TSC2: variants seen among roughly 807,000 people sequenced by gnomAD.
The protein encoded by TSC2 is tuberin.
TSC2 carries 29 observed loss-of-function variants against 202.2 expected under a neutral mutation model. That is an observed-to-expected ratio of 0.14 (90% CI 0.11 to 0.20). The LOEUF (loss-of-function observed/expected upper bound fraction) is 0.20, where lower values mean the gene tolerates loss of function less well. Ranked by LOEUF, TSC2 falls within the 10% of genes least tolerant of loss-of-function variation. TSC2 has a pLI of 1.00. For missense variants in TSC2, 2,429 were observed against 2,420.0 expected (o/e 1.00, Z -0.08); for synonymous variants, 1,349 against 1,044.0 (o/e 1.29, Z -5.63).
chr16:2,065,947 C>T (rs1057391174), intron 16 of TSC2, among the ~76,000 whole-genome samples: 1 of 152,208 alleles, frequency 6.6e-6, no homozygotes, highest in African/African-American at 2.4e-5. Flanking sequence ...GTAAGGGTGG[C>T]CCTCCATTCC....
Position 2,064,443 on chromosome 16 carries a change from C to A in TSC2, c.1599+16C>A, listed in dbSNP as rs45517181. The A allele has an allele frequency of 1.9e-6, 3 of 1,612,646 alleles. No individual in the cohort carries two copies. The African/African-American group carries it at 4.0e-5, about 22-fold the overall frequency. ...CATCGAGAAGGTGAGAGCCGTTGTA[C>A]CCGGGGCCGGGTGCTAGCGTGCCAG... On this transcript the variant is annotated intron_variant, in intron 15 of 41. Transcript: ENST00000219476.
intron 5 of TSC2, 42 bp from the exon 6 acceptor site, chr16:2,055,360 T>C: frequency 2.0e-6 from 3 of 1,518,994 alleles, no homozygotes; most frequent in East Asian, 2.3e-5. Context: ...GTGGGAGATG[T>C]AGATTCGGCG....
intron 3 of TSC2, among the ~76,000 whole-genome samples, chr16:2,052,493 C>T (rs569711058): frequency 1.1e-3 from 172 of 152,182 alleles, no homozygotes; most frequent in Admixed American, 3.3e-3. Flanking sequence ...TATTTTTTGT[C>T]GTGACAGGGT....
chr16:2,048,497 G>C (rs2084644654), intron 1 of TSC2, 90 bp from the exon 2 acceptor site: 1 of 1,524,716 alleles, frequency 6.6e-7, no homozygotes, highest in Non-Finnish European at 9.0e-7. Flanking sequence ...GCCCACCAGA[G>C]ACCCAGGGTC....
In TSC2 at chr16:2,072,310, A is replaced by T. The variant is rs764725850; in HGVS notation, c.2167A>T (p.Ile723Phe). 1.2e-6 allele frequency: 2 copies of T among 1,614,146 alleles called. No homozygotes were observed. Among genetic ancestry groups the T allele is most frequent in the Non-Finnish European group, 8.5e-7 (1 of 1,180,040 alleles). The change falls in exon 20 of 42, where the codon ATC becomes TTC. Residue 723 changes from isoleucine to phenylalanine, a missense_variant. By Grantham distance (21) the Ile-to-Phe change is conservative. Transcript: ENST00000219476. Reference protein sequence around the residue: ...LPESLRYKVLIFTSPCSVDQL... With the variant: ...LPESLRYKVLFFTSPCSVDQL... ...TGAGTCCCTGCGCTATAAAGTGCTC[A>T]TCTTTACTTCCCCTTGCAGTGTGGA...
At position 2,077,677 on chromosome 16, in the gene TSC2, G is replaced by C. The variant is rs780981335; in HGVS notation, c.2917G>C (p.Glu973Gln). ...AGAATTCAAGGAGAGCTCTGCAGCC[G>C]AGGCCTTCCGGTGCCGCAGCATCAG... ...VKEFKESSAA[E>Q]AFRCRSISVS... Residue 973 changes from glutamate to glutamine, a missense_variant, in exon 26 of 42, where the codon GAG becomes CAG. By Grantham distance (29) the Glu-to-Gln change is conservative. Transcript: ENST00000219476. 1 of 1,613,058 alleles carries C rather than the reference G, an allele frequency of 6.2e-7. No individual in the cohort carries two copies. The highest frequency in any genetic ancestry group is 8.5e-7 in the Non-Finnish European group (1 of 1,180,026).
chr16:2,083,430 C>T (rs1024455256), intron 32 of TSC2: 7 of 597,818 alleles, frequency 1.2e-5, no homozygotes, highest in Non-Finnish European at 2.1e-5. Context: ...ACAGGGGTGG[C>T]TGCTGGTGGA....
At position 2,085,014 on chromosome 16, in the gene TSC2, G is replaced by T. The variant is rs1260508226; in HGVS notation, c.4557G>T (p.Leu1519=). The T allele has an allele frequency of 2.5e-6, 4 of 1,613,392 alleles. No individual in the cohort carries two copies. The highest frequency in any genetic ancestry group is 3.4e-6 in the Non-Finnish European group (4 of 1,179,986). The part of the protein sequence containing the change: ...FFGDESNKPI[L]LPNESQSFER... Reference sequence around the variant, plus strand: ...GCGACGAGTCAAACAAGCCAATCCTGCTGCCCAATGAGGTAGGCGTGGCCT... The same window carrying T: ...GCGACGAGTCAAACAAGCCAATCCTTCTGCCCAATGAGGTAGGCGTGGCCT... Residue 1519 remains leucine (L), a synonymous_variant, in exon 35 of 42, where the codon CTG becomes CTT. Coordinates refer to ENST00000219476, the MANE Select transcript of TSC2 (RefSeq NM_000548.5).
intron 1 of TSC2, 87 bp from the exon 2 acceptor site, chr16:2,048,500 C>T (rs977581183): frequency 6.5e-7 from 1 of 1,543,674 alleles, no homozygotes; most frequent in African/African-American, 1.4e-5. Context: ...CACCAGAGAC[C>T]CAGGGTCCTG....
At chr16:2,083,105 T>C (rs1364224733) in intron 32 of TSC2, 6 of 455,184 alleles carry the variant, frequency 1.3e-5, no homozygotes, top group Non-Finnish European at 2.6e-5. Context: ...TGCAGGGCTG[T>C]GGGGCGCCCG....
intron 26 of TSC2, chr16:2,078,143 G>GA (rs1292719582): frequency 3.7e-5 from 11 of 293,980 alleles, no homozygotes; most frequent in Non-Finnish European, 7.3e-5. Flanking sequence ...GGCATTTGTG[G>GA]AGGGTGCTGG....
chr16:2,053,908 T>G (rs2085441514), intron 4 of TSC2: 1 of 444,322 alleles, frequency 2.3e-6, no homozygotes, highest in African/African-American at 2.0e-5. Flanking sequence ...ATGTCCCAGC[T>G]GCTCAGAAGG....
chr16:2,084,446 C>T lies in TSC2; in HGVS notation c.4224C>T (p.Gly1408=), dbSNP rs1596416816. Residue 1408 remains glycine (G), a synonymous_variant, in exon 34 of 42, where the codon GGC becomes GGT. Coordinates refer to ENST00000219476, the MANE Select transcript of TSC2 (RefSeq NM_000548.5). The part of the protein sequence containing the change: ...LGDPGDKADV[G]RLSPEVKARS... ...ACCCTGGGGACAAGGCCGACGTGGG[C>T]CGGCTGAGCCCTGAGGTTAAGGCCC... 6.2e-7 allele frequency: 1 copy of T among 1,609,026 alleles called. No individual in the cohort carries two copies. Among genetic ancestry groups the T allele is most frequent in the Non-Finnish European group, 8.5e-7 (1 of 1,178,502 alleles).
At chr16:2,055,935 T>C in intron 6 of TSC2, 1 of 592,322 alleles carries the variant, frequency 1.7e-6, no homozygotes, top group East Asian at 2.9e-5. Context: ...ATCTTCTGTT[T>C]AGCTCTCATC....
chr16:2,087,586 C>T (rs932364277), intron 38 of TSC2, among the ~76,000 whole-genome samples: 2 of 151,868 alleles, frequency 1.3e-5, no homozygotes, highest in African/African-American at 4.8e-5. Context: ...GGACGTGTGG[C>T]TGCAGACACC....
Position 2,054,820 on chromosome 16 carries a change from C to A in TSC2, c.481+380C>A, listed in dbSNP as rs529553819. On this transcript the variant is annotated intron_variant, in intron 5 of 41. Coordinates refer to ENST00000219476, the MANE Select transcript of TSC2 (RefSeq NM_000548.5). ...TCCACTTTGTGGACCTTCCTCCTGC[C>A]ATCCTGTGGTGGGAGGTTTCCATTA... 2.2e-4 allele frequency: 81 copies of A among 368,830 alleles called. 2 individuals are homozygous for A. Among genetic ancestry groups the A allele is most frequent in the South Asian group, 1.7e-3 (74 of 42,454 alleles). 22.8% of individuals were successfully genotyped at this position (368,830 alleles called of 1,614,324 possible). A position where few individuals can be genotyped will look rare whatever the true frequency, so the allele number is the denominator to read the frequency against.
rs45509392 is a variant in TSC2 at position 2,071,609 on chromosome 16, G to A, written c.1939G>A (p.Asp647Asn). ...VVRFSPYCVC[D>N]YMEPERGSEK... is the part of the protein sequence containing the mutation. ...GCGGTTCAGCCCCTACTGCGTCTGC[G>A]ACTACATGTACGCGGGACCTCGCCC... is the stretch of plus-strand genomic sequence containing the variant. The change falls in exon 18 of 42, where the codon GAC becomes AAC. Residue 647 changes from aspartate to asparagine, a missense_variant. Transcript: ENST00000219476. The A allele has an allele frequency of 1.7e-4, 269 of 1,613,358 alleles. No homozygotes were observed. Among genetic ancestry groups the A allele is most frequent in the East Asian group, 4.7e-4 (21 of 44,886 alleles).
chr16:2,072,510 G>T (rs1166186682), intron 20 of TSC2, 147 bp downstream of exon 20: 1 of 1,337,246 alleles, frequency 7.5e-7, no homozygotes, highest in Non-Finnish European at 1.0e-6. Flanking sequence ...CGCAGATTGT[G>T]CCTTGGGCAG....
At chr16:2,058,069 C>T (rs2086112034) in intron 9 of TSC2, among the ~76,000 whole-genome samples, 1 of 149,900 alleles carries the variant, frequency 6.7e-6, no homozygotes, top group South Asian at 2.1e-4. Flanking sequence ...ATCCTTGGAA[C>T]CAGGCCCTGG....
Sources: allele counts gnomAD v4.1 joint callset (sites outside exome capture counted in the v4.1 genomes callset), GRCh38; gene constraint gnomAD v4.1.1; transcripts MANE v1.5; gene names NCBI Gene and HGNC (gene_info 2026-07-23, HGNC 2026-07-21).